The following DPP6 variants were observed in gnomAD, a reference collection of about 807,000 sequenced individuals.
The protein encoded by DPP6 is A-type potassium channel modulatory protein DPP6.
DPP6 carries 69 observed loss-of-function variants against 122.6 expected under a neutral mutation model. The observed-to-expected ratio is 0.56, with a 90% confidence interval of 0.46 to 0.69. The LOEUF (loss-of-function observed/expected upper bound fraction) is 0.69. Among genes scored for constraint, DPP6 ranks in the 30% least tolerant of loss-of-function variants. The pLI is 0.00. For synonymous variants in DPP6, 418 were observed against 433.1 expected (o/e 0.97, Z 0.43); for missense variants, 928 against 1,116.9 (o/e 0.83, Z 2.41).
the DPP6 span, among the ~76,000 whole-genome samples, chr7:153,801,350 A>G: frequency 1.3e-5 from 2 of 151,506 alleles, no homozygotes; most frequent in East Asian, 1.9e-4. Flanking sequence ...CATAAATTCT[A>G]TGTCAGGTCT....
chr7:154,711,595 C>T (rs1346516625), intron 7 of DPP6, among the ~76,000 whole-genome samples: 2 of 152,210 alleles, frequency 1.3e-5, no homozygotes, highest in Non-Finnish European at 2.9e-5. Context: ...ATAACCTGCT[C>T]ACAGCTGGAC....
chr7:154,854,213 G>T (rs1802636046), intron 17 of DPP6, among the ~76,000 whole-genome samples: 1 of 152,194 alleles, frequency 6.6e-6, no homozygotes, highest in Non-Finnish European at 1.5e-5. Context: ...CTGTCTTTGT[G>T]GGTCTGGGAG....
At chr7:154,577,916 T>G (rs1461074842) in intron 5 of DPP6, among the ~76,000 whole-genome samples, 4 of 152,202 alleles carry the variant, frequency 2.6e-5, no homozygotes, top group Non-Finnish European at 4.4e-5. Flanking sequence ...TGGATCATTA[T>G]CTCTACTTGA....
chr7:154,144,767 G>C (rs1169383300), intron 1 of DPP6, among the ~76,000 whole-genome samples: 1 of 151,902 alleles, frequency 6.6e-6, no homozygotes, highest in Non-Finnish European at 1.5e-5. Context: ...CAACAAAACT[G>C]ACATCCTTAT....
At chr7:154,846,636 T>A (rs865970148) in intron 16 of DPP6, among the ~76,000 whole-genome samples, 28 of 152,208 alleles carry the variant, frequency 1.8e-4, no homozygotes, top group African/African-American at 6.8e-4. Flanking sequence ...CTTACCCGTG[T>A]GCAAAGATAT....
intron 21 of DPP6, among the ~76,000 whole-genome samples, chr7:154,882,258 C>T (rs966447970): frequency 6.6e-6 from 1 of 152,220 alleles, no homozygotes; most frequent in Admixed American, 6.5e-5. Flanking sequence ...CAGAGCACAA[C>T]TGATGCACCC....
chr7:153,843,226 ACG>A, the DPP6 span, among the ~76,000 whole-genome samples: 1 of 151,966 alleles, frequency 6.6e-6, no homozygotes, highest in Admixed American at 6.5e-5. Context: ...AAATGCATAC[ACG>A]CACATACACA....
intron 10 of DPP6, among the ~76,000 whole-genome samples, chr7:154,780,420 G>A (rs899578605): frequency 6.6e-6 from 1 of 152,234 alleles, no homozygotes; most frequent in African/African-American, 2.4e-5. Context: ...TGCTGTAAAT[G>A]CAGGGAATGA....
intron 1 of DPP6, among the ~76,000 whole-genome samples, chr7:154,270,137 T>C (rs1258352837): frequency 6.6e-6 from 1 of 152,186 alleles, no homozygotes; most frequent in Non-Finnish European, 1.5e-5. Context: ...AAGAGTAAGA[T>C]GCCTTGGTTC....
At chr7:154,681,976 C>T (rs1431194437) in intron 7 of DPP6, among the ~76,000 whole-genome samples, 1 of 152,216 alleles carries the variant, frequency 6.6e-6, no homozygotes. Flanking sequence ...CGTTGCTCAG[C>T]ATTGTGCAGA....
Position 154,279,110 on chromosome 7 carries a change from T to C in DPP6, c.244-167104T>C, listed in dbSNP as rs556902110. Among the ~76,000 whole-genome samples the C allele has an allele frequency of 5.3e-5, 8 of 151,478 alleles. No individual in the cohort carries two copies. In the East Asian group the frequency reaches 1.4e-3, roughly 26 times the overall value. ...TGGGGATGCATGTGTGTGCATTGTG[T>C]ATATGTGTCTGGGCATGTGTGTGTA... is the stretch of plus-strand genomic sequence containing the variant. On this transcript the variant is annotated intron_variant, in intron 1 of 25. Coordinates refer to ENST00000377770, the MANE Select transcript of DPP6 (RefSeq NM_130797.4).
In DPP6 at chr7:154,792,050, C is replaced by G. The variant is rs562966838; in HGVS notation, c.1137-2029C>G. Reference sequence around the variant, plus strand: ...GCATAGGATGAATGAATGTTTCCAACAATTGAGAACAAAAGCAGCATTCTT... The same window carrying G: ...GCATAGGATGAATGAATGTTTCCAAGAATTGAGAACAAAAGCAGCATTCTT... On this transcript the variant is annotated intron_variant, in intron 10 of 25. Transcript: ENST00000377770. 2.6e-5 allele frequency among the ~76,000 whole-genome samples: 4 copies of G among 152,328 alleles called. No homozygotes were observed. The South Asian group carries it at 6.2e-4, about 24-fold the overall frequency.
chr7:153,849,838 T>C, the DPP6 span, among the ~76,000 whole-genome samples: 1 of 152,194 alleles, frequency 6.6e-6, no homozygotes, highest in Non-Finnish European at 1.5e-5. Flanking sequence ...CTTAGTATTT[T>C]CTTTACAAAC....
At chr7:154,384,847 G>C (rs1813946638) in intron 1 of DPP6, among the ~76,000 whole-genome samples, 1 of 151,068 alleles carries the variant, frequency 6.6e-6, no homozygotes. Context: ...ATTAAATTAG[G>C]GTACATATAG....
At chr7:154,772,219 G>A (rs1257841678) in intron 9 of DPP6, among the ~76,000 whole-genome samples, 7 of 152,148 alleles carry the variant, frequency 4.6e-5, no homozygotes, top group Admixed American at 3.9e-4. Flanking sequence ...TAAATCAGAG[G>A]CATGAATAGG....
In DPP6 at chr7:154,399,242, C is replaced by A. The variant is rs541255000; in HGVS notation, c.244-46972C>A. On this transcript the variant is annotated intron_variant, in intron 1 of 25. Transcript: ENST00000377770. Reference sequence around the variant, plus strand: ...CCCCTCTCCAAAGGAAAGTTTGCTTCCCAGGTAACCGTGATCTTTGTGACC... The same window carrying A: ...CCCCTCTCCAAAGGAAAGTTTGCTTACCAGGTAACCGTGATCTTTGTGACC... Among the ~76,000 whole-genome samples, 44 of 152,304 alleles carry A rather than the reference C, an allele frequency of 2.9e-4. No homozygotes were observed. In the South Asian group the frequency reaches 9.1e-3, roughly 32 times the overall value.
intron 1 of DPP6, among the ~76,000 whole-genome samples, chr7:154,249,060 T>G (rs914014027): frequency 2.0e-5 from 3 of 152,246 alleles, no homozygotes; most frequent in Non-Finnish European, 2.9e-5. Flanking sequence ...GTAAGAGCCA[T>G]AGATAAGAAT....
the DPP6 span, among the ~76,000 whole-genome samples, chr7:153,785,359 A>G: frequency 1.3e-5 from 2 of 152,146 alleles, no homozygotes; most frequent in Non-Finnish European, 2.9e-5. Context: ...ATACATCACA[A>G]TTGTCCAGAA....
intron 1 of DPP6, among the ~76,000 whole-genome samples, chr7:154,007,932 G>T (rs1183209171): frequency 9.2e-5 from 14 of 152,142 alleles, no homozygotes; most frequent in Non-Finnish European, 2.9e-5. Context: ...GTATTCCGTT[G>T]GCCTGAACTG....
Sources: gnomAD v4.1 joint callset for allele counts (sites outside exome capture counted in the v4.1 genomes callset) on GRCh38, gnomAD v4.1.1 for gene constraint, MANE v1.5 for transcripts, NCBI Gene and HGNC (gene_info 2026-07-23, HGNC 2026-07-21) for gene names.